Variants in MTERF4 observed in about 807,000 individuals in gnomAD.
MTERF4 encodes mitochondrial transcription termination factor 4.
A neutral mutation model predicts 22.5 loss-of-function variants in MTERF4; 17 were observed. That is an observed-to-expected ratio of 0.75 (90% CI 0.52 to 1.13). The LOEUF (loss-of-function observed/expected upper bound fraction) is 1.13, where lower values mean the gene tolerates loss of function less well. Ranked by LOEUF, MTERF4 falls within the 50% of genes most tolerant of loss-of-function variation. MTERF4 has a pLI of 0.00. For missense variants in MTERF4, 420 were observed against 466.8 expected, an observed-to-expected ratio of 0.90 and a Z score of 0.92; for synonymous variants, 165 against 175.3, an observed-to-expected ratio of 0.94 and a Z score of 0.47.
At chr2:241,067,505 C>CT, downstream of MTERF4, among the ~76,000 whole-genome samples, 1 of 152,348 alleles carries the variant, frequency 6.6e-6, no homozygotes, top group East Asian at 1.9e-4. Context: ...ACTAAGACCC[C>CT]TGCCTCTGGT....
At chr2:241,048,334 C>T in the MTERF4 span, 6 of 1,608,056 alleles carry the variant, frequency 3.7e-6, no homozygotes, top group South Asian at 5.6e-5. Flanking sequence ...CAGTGCCAGA[C>T]GCCTGCCTCT....
At chr2:241,087,287 C>A, downstream of MTERF4, 1 of 1,035,568 alleles carries the variant, frequency 9.7e-7, no homozygotes, top group South Asian at 1.8e-5. Flanking sequence ...GCAGTTTTTC[C>A]CTCAAACACC....
At chr2:241,052,704 G>C in the MTERF4 span, among the ~76,000 whole-genome samples, 23 of 18,186 alleles carry the variant, frequency 1.3e-3, 3 homozygotes, top group South Asian at 0.022. Flanking sequence ...GGGGGGGGGG[G>C]TCAAGCAGGG....
At chr2:241,082,363 G>A (rs376890393), downstream of MTERF4, 36 of 1,612,024 alleles carry the variant, frequency 2.2e-5, no homozygotes, top group Middle Eastern at 1.6e-4. Flanking sequence ...CTGTCACCAC[G>A]TGTAAGTTGG....
chr2:241,099,313 G>C, intron 2 of MTERF4, 83 bp downstream of exon 2: 1 of 1,470,214 alleles, frequency 6.8e-7, no homozygotes, highest in Non-Finnish European at 9.2e-7. Context: ...GACCTCAAGT[G>C]ATCTGCCTGC....
chr2:241,080,513 G>C (rs1390941263), intron 4 of MTERF4, among the ~76,000 whole-genome samples: 1 of 152,178 alleles, frequency 6.6e-6, no homozygotes, highest in African/African-American at 2.4e-5. Flanking sequence ...AGAAATGGGT[G>C]ATTCCAAGAC....
rs374177161 is a variant in MTERF4, at chr2:241,099,473, C to T, written c.443G>A (p.Ser148Asn). ...PEPVCVVLKK[S>N]PQLLKLPIMQ... Reference sequence around the variant, plus strand: ...AATAGGCAGTTTCAATAACTGGGGACTTTTCTTCAAGACCACACACACAGG... The same window carrying T: ...AATAGGCAGTTTCAATAACTGGGGATTTTTCTTCAAGACCACACACACAGG... Residue 148 changes from serine to asparagine, a missense_variant, in exon 2 of 4, where the codon AGT becomes AAT. Coordinates refer to ENST00000391980, the MANE Select transcript of MTERF4 (RefSeq NM_182501.4). 9.9e-6 allele frequency: 16 copies of T among 1,614,190 alleles called. No homozygotes were observed. The East Asian group carries it at 2.0e-4, about 20-fold the overall frequency.
chr2:241,059,623 T>C, the MTERF4 span, among the ~76,000 whole-genome samples: 1 of 151,354 alleles, frequency 6.6e-6, no homozygotes, highest in Admixed American at 6.7e-5. Context: ...CACAGGTTGG[T>C]CTAACTTTTA....
At chr2:241,089,848 A>G (rs1269625571), downstream of MTERF4, 13 of 1,407,480 alleles carry the variant, frequency 9.2e-6, no homozygotes, top group African/African-American at 4.3e-5. Context: ...GGCAGAGCCC[A>G]TGCTCCCGGG....
exon 5 of MTERF4, chr2:241,072,256 C>T (rs1304934317): frequency 3.1e-5 from 15 of 480,118 alleles, no homozygotes; most frequent in Admixed American, 2.3e-4. Context: ...GGGTCTAACC[C>T]GCCACTCCGA....
At chr2:241,067,485 C>G (rs1053780349), downstream of MTERF4, among the ~76,000 whole-genome samples, 7 of 152,250 alleles carry the variant, frequency 4.6e-5, no homozygotes, top group African/African-American at 1.7e-4. Context: ...ACTGCCACAT[C>G]TAAATGGAGA....
chr2:241,071,474 C>A, downstream of MTERF4: 1 of 1,392,348 alleles, frequency 7.2e-7, no homozygotes, highest in Non-Finnish European at 9.8e-7. Context: ...CTTCCCTTCT[C>A]CAAGCACGGC....
chr2:241,047,693 C>A, the MTERF4 span, among the ~76,000 whole-genome samples: 1 of 152,254 alleles, frequency 6.6e-6, no homozygotes, highest in Non-Finnish European at 1.5e-5. Context: ...GTTTGGAGGC[C>A]CCTGGCCCCT....
At chr2:241,094,441 A>G (rs1164671780), downstream of MTERF4, 1 of 470,680 alleles carries the variant, frequency 2.1e-6, no homozygotes, top group African/African-American at 2.0e-5. The surrounding 1 kb of genome is among the most constrained non-coding windows in gnomAD (Gnocchi z 4.3). Flanking sequence ...TGCTGGAGAA[A>G]ACAAAAGCAC....
intron 4 of MTERF4, among the ~76,000 whole-genome samples, chr2:241,078,494 C>T (rs966962488): frequency 2.6e-5 from 4 of 151,764 alleles, no homozygotes; most frequent in African/African-American, 4.9e-5. Context: ...CATGCTACAA[C>T]ATGGATGAAT....
the MTERF4 span, chr2:241,063,255 G>A: frequency 2.7e-5 from 13 of 481,860 alleles, no homozygotes; most frequent in South Asian, 1.1e-4. Flanking sequence ...CTTGTACCTC[G>A]CTAGGGCTCT....
chr2:241,084,571 A>G (rs1401629830), downstream of MTERF4, among the ~76,000 whole-genome samples: 5 of 152,110 alleles, frequency 3.3e-5, no homozygotes, highest in African/African-American at 9.7e-5. Flanking sequence ...CTTCCCTCCC[A>G]TCCTTTGAAT....
rs539448261 is a variant in MTERF4 at position 241,072,761 on chromosome 2, G to T, written n.3401C>A. 3.2e-5 allele frequency: 6 copies of T among 189,526 alleles called. No individual in the cohort carries two copies. The South Asian group carries it at 5.2e-4, about 16-fold the overall frequency. 11.7% of individuals were successfully genotyped at this position (189,526 alleles called of 1,614,324 possible). ...TCTGGAGTACAGAGGGGGGCCCGTT[G>T]TACTTGCAGCTATGGAAGCGGATAT... is the stretch of plus-strand genomic sequence containing the variant. On this transcript the variant is annotated non_coding_transcript_exon_variant, in exon 5 of 5. Coordinates refer to the MTERF4 transcript ENST00000464344.
At position 241,101,723 on chromosome 2, in the gene MTERF4, A is replaced by G. The variant is rs557946860; in HGVS notation, c.21+530T>C. ...TCCGCTTCCTCTTAATGAAAAGTACATGTTATCTTCCTTGTGAAGTTCAAA... is the reference window on the plus strand; with the variant it reads ...TCCGCTTCCTCTTAATGAAAAGTACGTGTTATCTTCCTTGTGAAGTTCAAA... On this transcript the variant is annotated intron_variant, in intron 1 of 3. Coordinates refer to ENST00000391980, the MANE Select transcript of MTERF4 (RefSeq NM_182501.4). Among the ~76,000 whole-genome samples the G allele has an allele frequency of 7.2e-5, 11 of 152,300 alleles. 1 individual carries two copies. The South Asian group carries it at 8.3e-4, about 11-fold the overall frequency.
Sources: allele counts gnomAD v4.1 joint callset (sites outside exome capture counted in the v4.1 genomes callset), GRCh38; gene constraint gnomAD v4.1.1; non-coding constraint Gnocchi (gnomAD v3.1); transcripts MANE v1.5; gene names NCBI Gene and HGNC (gene_info 2026-07-23, HGNC 2026-07-21).